The following RAMP3 variants were observed in gnomAD, a reference collection of about 807,000 sequenced individuals.
RAMP3 encodes the protein receptor activity-modifying protein 3.
RAMP3 carries 14 observed loss-of-function variants against 13.5 expected under a neutral mutation model. That is an observed-to-expected ratio of 1.04 (90% confidence interval 0.69 to 1.63). RAMP3 has a LOEUF of 1.63. Among genes scored for constraint, RAMP3 ranks in the 40% most tolerant of loss-of-function variants. The pLI is 0.00. For missense variants in RAMP3, 200 were observed against 204.8 expected (o/e 0.98, Z 0.14); for synonymous variants, 106 against 88.3 (o/e 1.20, Z -1.12).
chr7:45,167,744 G>C (rs1054097750), intron 1 of RAMP3, among the ~76,000 whole-genome samples: 8 of 151,676 alleles, frequency 5.3e-5, no homozygotes, highest in African/African-American at 1.9e-4. Flanking sequence ...GCGCCACCAC[G>C]CCCGGGTAAT....
At chr7:45,166,003 TGTGTG>T in intron 1 of RAMP3, among the ~76,000 whole-genome samples, 1 of 152,250 alleles carries the variant, frequency 6.6e-6, no homozygotes, top group Non-Finnish European at 1.5e-5. Context: ...TAAAAATCTG[TGTGTG>T]AACATGTGCG....
intron 1 of RAMP3, among the ~76,000 whole-genome samples, chr7:45,172,168 A>T (rs778224041): frequency 2.6e-5 from 4 of 152,204 alleles, no homozygotes; most frequent in Non-Finnish European, 4.4e-5. Context: ...TCATCTGCCC[A>T]GAAAGAAGAG....
intron 1 of RAMP3, among the ~76,000 whole-genome samples, chr7:45,164,337 C>T (rs1352727125): frequency 1.3e-5 from 2 of 152,076 alleles, no homozygotes; most frequent in Non-Finnish European, 2.9e-5. Context: ...TCACTGGAGC[C>T]TAGCCTGGGT....
rs1176772071 is a variant in RAMP3, at chr7:45,183,720, G to A, written c.*308G>A. The A allele has an allele frequency of 7.0e-6, 4 of 573,734 alleles. No individual in the cohort carries two copies. The highest frequency in any genetic ancestry group is 6.1e-5 in the Admixed American group (2 of 32,932). 35.5% of individuals were successfully genotyped at this position (573,734 alleles called of 1,614,324 possible). A position where few individuals can be genotyped will look rare whatever the true frequency, so the allele number is the denominator to read the frequency against. ...CATCCTGTGCTCCGCAGGCTGGGCC[G>A]GAGCCTCTGCCCGCAGGTTTCTATG... On this transcript the variant is annotated 3_prime_UTR_variant, in exon 3 of 3. Coordinates refer to ENST00000242249, the MANE Select transcript of RAMP3 (RefSeq NM_005856.3).
intron 1 of RAMP3, among the ~76,000 whole-genome samples, chr7:45,166,199 G>A (rs1785958601): frequency 6.6e-6 from 1 of 150,416 alleles, no homozygotes; most frequent in Admixed American, 6.6e-5. Flanking sequence ...TTCTGAGAGA[G>A]GGTCTCATTC....
intron 1 of RAMP3, 46 bp downstream of exon 1, chr7:45,157,932 G>T: frequency 7.5e-7 from 1 of 1,329,508 alleles, no homozygotes; most frequent in Non-Finnish European, 9.6e-7. Flanking sequence ...ACTCCTCGGG[G>T]TTCACCGGAC....
chr7:45,177,157 G>T, intron 1 of RAMP3, 152 bp from the exon 2 acceptor site: 1 of 929,892 alleles, frequency 1.1e-6, no homozygotes. Context: ...AGGTAGGTCA[G>T]GGTGGAGGGT....
rs112470397 is a variant in RAMP3, at chr7:45,172,069, C to A, written c.59-5240C>A. On this transcript the variant is annotated intron_variant, in intron 1 of 2. Coordinates refer to ENST00000242249, the MANE Select transcript of RAMP3 (RefSeq NM_005856.3). ...GAGCTGGGGTGGGGTGGTTGGGGCC[C>A]CAGTACTCTTGGCCTGCCATGCCTG... is the stretch of plus-strand genomic sequence containing the variant. Among the ~76,000 whole-genome samples the A allele has an allele frequency of 2.9e-3, 410 of 140,122 alleles. 7 individuals carry two copies. The highest frequency in any genetic ancestry group is 0.012 in the African/African-American group (398 of 33,758). 91.9% of individuals were successfully genotyped at this position (140,122 alleles called of 152,430 possible). A position where few individuals can be genotyped will look rare whatever the true frequency, so the allele number is the denominator to read the frequency against.
chr7:45,169,153 A>G (rs1282834432), intron 1 of RAMP3, among the ~76,000 whole-genome samples: 1 of 152,106 alleles, frequency 6.6e-6, no homozygotes, highest in Non-Finnish European at 1.5e-5. Flanking sequence ...AATCCTTTTT[A>G]TATGTTGCTG....
intron 1 of RAMP3, among the ~76,000 whole-genome samples, chr7:45,173,243 A>T (rs1460778619): frequency 6.6e-6 from 1 of 152,182 alleles, no homozygotes; most frequent in Admixed American, 6.5e-5. Flanking sequence ...AGTTGTTTTC[A>T]GTAGAAAGTT....
chr7:45,173,448 T>C (rs1237454360), intron 1 of RAMP3, among the ~76,000 whole-genome samples: 1 of 152,148 alleles, frequency 6.6e-6, no homozygotes, highest in Non-Finnish European at 1.5e-5. Flanking sequence ...CAAACTGGGA[T>C]TTTGGGTGAA....
chr7:45,175,898 G>T (rs181279708), intron 1 of RAMP3, among the ~76,000 whole-genome samples: 1 of 152,284 alleles, frequency 6.6e-6, no homozygotes, highest in East Asian at 1.9e-4. Context: ...GCTGTGTTCT[G>T]GTGGAGCAGG....
In RAMP3 at chr7:45,183,910, C is replaced by A; in HGVS notation, c.*498C>A. On this transcript the variant is annotated 3_prime_UTR_variant, in exon 3 of 3. Transcript: ENST00000242249. The stretch of plus-strand genomic sequence containing the variant: ...AAGATAGGCAGGGGCTCTTGGAAGA[C>A]GTTCCGTGCTGTGACCTCCGAGCCC... 1 of 426,198 alleles carries A rather than the reference C, an allele frequency of 2.3e-6. No individual in the cohort carries two copies. The highest frequency in any genetic ancestry group is 4.1e-6 in the Non-Finnish European group (1 of 242,016). The allele number at this position is 426,198 out of a possible 1,614,324, so 26.4% of individuals were successfully genotyped here. A position where few individuals can be genotyped will look rare whatever the true frequency, so the allele number is the denominator to read the frequency against.
rs1035468103 is a variant in RAMP3 at position 45,163,325 on chromosome 7, A to G, written c.58+5439A>G. ...GAATGGTGGTCCCTACCAGCCTTAT[A>G]GAAGAATGGCTTCACTTTTGAGTCT... On this transcript the variant is annotated intron_variant, in intron 1 of 2. Transcript: ENST00000242249. 15 of 985,346 alleles carry G rather than the reference A, an allele frequency of 1.5e-5. No homozygotes were observed. In the African/African-American group the frequency reaches 2.4e-4, roughly 16 times the overall value. The allele number at this position is 985,346 out of a possible 1,614,324, so 61.0% of individuals were successfully genotyped here. A position where few individuals can be genotyped will look rare whatever the true frequency, so the allele number is the denominator to read the frequency against.
At chr7:45,161,190 G>T (rs182851273) in intron 1 of RAMP3, among the ~76,000 whole-genome samples, 45 of 152,286 alleles carry the variant, frequency 3.0e-4, no homozygotes, top group Middle Eastern at 6.8e-3. Flanking sequence ...GAGATTTGGG[G>T]CATGCAGAGA....
At chr7:45,181,044 A>T (rs923511762) in intron 2 of RAMP3, among the ~76,000 whole-genome samples, 6 of 152,246 alleles carry the variant, frequency 3.9e-5, no homozygotes, top group Non-Finnish European at 8.8e-5. Context: ...GGCTCACCCC[A>T]TGACCTCCTC....
intron 1 of RAMP3, among the ~76,000 whole-genome samples, chr7:45,169,165 A>G (rs1269206510): frequency 6.6e-6 from 1 of 152,134 alleles, no homozygotes; most frequent in Admixed American, 6.5e-5. Flanking sequence ...ATGTTGCTGG[A>G]TTAAGTTTGC....
chr7:45,172,136 G>A (rs1225133557), intron 1 of RAMP3, among the ~76,000 whole-genome samples: 1 of 152,216 alleles, frequency 6.6e-6, no homozygotes, highest in Non-Finnish European at 1.5e-5. Context: ...GGGCGGGGCA[G>A]GGAGCCTCAG....
At chr7:45,169,721 C>T (rs181388559) in intron 1 of RAMP3, among the ~76,000 whole-genome samples, 1 of 152,332 alleles carries the variant, frequency 6.6e-6, no homozygotes, top group Non-Finnish European at 1.5e-5. Flanking sequence ...TTCACCTCAT[C>T]TTCTTTCTGT....
Sources: gnomAD v4.1 joint callset for allele counts (sites outside exome capture counted in the v4.1 genomes callset) on GRCh38, gnomAD v4.1.1 for gene constraint, MANE v1.5 for transcripts, NCBI Gene and HGNC (gene_info 2026-07-23, HGNC 2026-07-21) for gene names.